GANC: variants seen among roughly 807,000 people sequenced by gnomAD.
The protein encoded by GANC is glucosidase alpha, neutral C.
GANC carries 117 observed loss-of-function variants against 124.2 expected under a neutral mutation model. The observed-to-expected ratio is 0.94, with a 90% confidence interval of 0.81 to 1.10. The LOEUF is 1.10. GANC is among the 50% of genes least tolerant of loss of function. The pLI, the probability that GANC is intolerant of heterozygous loss-of-function variation, is 0.00. For missense variants in GANC, 1,140 were observed against 1,095.0 expected (o/e 1.04, Z -0.58); for synonymous variants, 377 against 376.8 (o/e 1.00, Z -0.01).
chr15:42,347,185 AAAAAAAG>A (rs972150475), intron 20 of GANC, among the ~76,000 whole-genome samples: 4 of 124,256 alleles, frequency 3.2e-5, no homozygotes, highest in African/African-American at 1.3e-4. Context: ...AAAAAAAAAA[AAAAAAAG>A]AAGAGAGAGA....
chr15:42,285,945 T>C (rs55856839), intron 3 of GANC, among the ~76,000 whole-genome samples: 1,988 of 152,090 alleles, frequency 0.013, 56 homozygotes, highest in African/African-American at 0.046. Flanking sequence ...TGCTCTCTTT[T>C]CCCCCCTGGG....
At position 42,353,464 on chromosome 15, in the gene GANC, T is replaced by C. The variant is rs1325574043; in HGVS notation, c.*1325T>C. 13 of 927,966 alleles carry C rather than the reference T, an allele frequency of 1.4e-5. No individual in the cohort carries two copies. Among genetic ancestry groups the C allele is most frequent in the Non-Finnish European group, 1.7e-5 (13 of 777,800 alleles). The allele number at this position is 927,966 out of a possible 1,614,324, so 57.5% of individuals were successfully genotyped here. On this transcript the variant is annotated 3_prime_UTR_variant, in exon 24 of 24. Transcript: ENST00000318010. ...CCCGTAATGCTGTCCCACTTATAAC[T>C]GTGCTCTACTTAGCATTCTCAGGGA...
intron 10 of GANC, among the ~76,000 whole-genome samples, chr15:42,319,484 G>A (rs1350558748): frequency 6.6e-6 from 1 of 151,318 alleles, no homozygotes; most frequent in African/African-American, 2.4e-5. Context: ...AGCTGGGACT[G>A]TGGGCATGTG....
At position 42,306,561 on chromosome 15, in the gene GANC, C is replaced by A. The variant is rs2051997989; in HGVS notation, c.574C>A (p.Leu192Met). ...GTACCAACAGGAAAATCAAGAAGAT[C>A]TGGGCCTGTGGGAAGAGAAATTTGG... ...VDTSQENQED[L>M]GLWEEKFGKF... Residue 192 changes from leucine (L) to methionine (M), a missense_variant, in exon 7 of 24, where the codon CTG becomes ATG. Transcript: ENST00000318010. The A allele has an allele frequency of 6.2e-7, 1 of 1,612,798 alleles. No individual in the cohort carries two copies. The highest frequency in any genetic ancestry group is 8.5e-7 in the Non-Finnish European group (1 of 1,179,552).
At chr15:42,317,969 G>A (rs1013897380) in intron 10 of GANC, among the ~76,000 whole-genome samples, 3 of 152,144 alleles carry the variant, frequency 2.0e-5, no homozygotes, top group African/African-American at 4.8e-5. Flanking sequence ...ACCCTCCTCC[G>A]TCTCCCATCC....
At chr15:42,323,605 C>T (rs1414231386) in intron 11 of GANC, among the ~76,000 whole-genome samples, 1 of 152,080 alleles carries the variant, frequency 6.6e-6, no homozygotes, top group African/African-American at 2.4e-5. Flanking sequence ...TGGGTTCATG[C>T]AATTCTCCTG....
Position 42,341,191 on chromosome 15 carries a change from C to T in GANC, c.2152+437C>T, listed in dbSNP as rs554325717. ...ACAAAAAATAAAAATATAGGAAATT[C>T]CTTCACCAAGATTTCTAATGCATTA... On this transcript the variant is annotated intron_variant, in intron 18 of 23. Transcript: ENST00000318010. 8.6e-4 allele frequency among the ~76,000 whole-genome samples: 131 copies of T among 152,016 alleles called. 1 individual carries two copies. The highest frequency in any genetic ancestry group is 3.0e-3 in the African/African-American group (125 of 41,432).
Position 42,353,463 on chromosome 15 carries a change from C to T in GANC, c.*1324C>T. On this transcript the variant is annotated 3_prime_UTR_variant, in exon 24 of 24. Transcript: ENST00000318010. Reference sequence around the variant, plus strand: ...CCCCGTAATGCTGTCCCACTTATAACTGTGCTCTACTTAGCATTCTCAGGG... The same window carrying T: ...CCCCGTAATGCTGTCCCACTTATAATTGTGCTCTACTTAGCATTCTCAGGG... 1 of 924,778 alleles carries T rather than the reference C, an allele frequency of 1.1e-6. No homozygotes were observed. The highest frequency in any genetic ancestry group is 1.3e-6 in the Non-Finnish European group (1 of 774,888). The allele number at this position is 924,778 out of a possible 1,614,324, so 57.3% of individuals were successfully genotyped here.
intron 22 of GANC, among the ~76,000 whole-genome samples, chr15:42,349,856 C>G (rs1447894527): frequency 6.6e-6 from 1 of 151,828 alleles, no homozygotes; most frequent in Non-Finnish European, 1.5e-5. Context: ...ACCATGTTAG[C>G]TAGGCTGGTC....
chr15:42,321,893 A>T lies in GANC; in HGVS notation c.1166A>T (p.Asp389Val). Residue 389 changes from aspartate (D) to valine (V), a missense_variant, in exon 11 of 24, where the codon GAC (aspartate) becomes GTC (valine). Asp to Val is a radical substitution (Grantham distance 152, BLOSUM62 -3). Coordinates refer to ENST00000318010, the MANE Select transcript of GANC (RefSeq NM_198141.3). ...GTGGATGCAGGGTTTGATGAGCATG[A>T]CATTCCTTATGATGCCATGTGGCTG... Reference protein sequence around the residue: ...KAVDAGFDEHDIPYDAMWLDI... With the variant: ...KAVDAGFDEHVIPYDAMWLDI... 6.2e-7 allele frequency: 1 copy of T among 1,614,204 alleles called. No homozygotes were observed. Among genetic ancestry groups the T allele is most frequent in the Non-Finnish European group, 8.5e-7 (1 of 1,180,022 alleles).
intron 6 of GANC, among the ~76,000 whole-genome samples, chr15:42,301,291 C>T (rs1031719445): frequency 6.6e-6 from 1 of 152,112 alleles, no homozygotes; most frequent in African/African-American, 2.4e-5. Context: ...CAAAGGAAAC[C>T]ATGAGAGACT....
Position 42,351,452 on chromosome 15 carries a change from T to G in GANC, c.2635+20T>G, listed in dbSNP as rs1338965042. 2.6e-6 allele frequency: 4 copies of G among 1,519,666 alleles called. No individual in the cohort carries two copies. Among genetic ancestry groups the G allele is most frequent in the Non-Finnish European group, 3.7e-6 (4 of 1,094,590 alleles). 94.1% of individuals were successfully genotyped at this position (1,519,666 alleles called of 1,614,324 possible). ...CATCTGGTGAGAAAGCAGTCCATTC[T>G]TACCTCACCATTTGTTTTTATAAAC... On this transcript the variant is annotated intron_variant, in intron 23 of 23. Transcript: ENST00000318010.
rs753902602 is a variant in GANC, at chr15:42,348,138, A to G, written c.2340A>G (p.Pro780=). 2 of 1,613,130 alleles carry G rather than the reference A, an allele frequency of 1.2e-6. No homozygotes were observed. The highest frequency in any genetic ancestry group is 8.5e-7 in the Non-Finnish European group (1 of 1,179,630). ...TTCAGCGAGGTGGAAGTGTGATACC[A>G]ATAAAGACAACTGTAGGAAAATCCA... The part of the protein sequence containing the change: ...PVFQRGGSVI[P]IKTTVGKSTG... The change falls in exon 21 of 24, where the codon CCA becomes CCG. Residue 780 remains proline, a synonymous_variant. Transcript: ENST00000318010.
chr15:42,339,645 C>T lies in GANC; in HGVS notation c.1844-24C>T. 5 of 1,606,938 alleles carry T rather than the reference C, an allele frequency of 3.1e-6. No homozygotes were observed. The South Asian group carries it at 3.3e-5, about 11-fold the overall frequency. On this transcript the variant is annotated intron_variant, in intron 16 of 23. Coordinates refer to ENST00000318010, the MANE Select transcript of GANC (RefSeq NM_198141.3). ...TCATTTATCCAAAGCTTGGTTGCCT[C>T]ACTTGGCCTTCTTTTGCTTCCAGCT...
At chr15:42,274,612 C>A in intron 1 of GANC, 102 bp downstream of exon 1, 1 of 1,153,282 alleles carries the variant, frequency 8.7e-7, no homozygotes, top group Non-Finnish European at 1.2e-6. Flanking sequence ...TATTTGCTGA[C>A]CTTTATCTTT....
intron 12 of GANC, 119 bp downstream of exon 12, chr15:42,326,543 G>C: frequency 2.0e-6 from 3 of 1,490,402 alleles, no homozygotes; most frequent in Non-Finnish European, 2.7e-6. Context: ...TACATTTTAA[G>C]CATATAATTT....
Position 42,343,174 on chromosome 15 carries a change from C to A in GANC, c.2229+20C>A. The A allele has an allele frequency of 6.3e-7, 1 of 1,592,708 alleles. No individual in the cohort carries two copies. Among genetic ancestry groups the A allele is most frequent in the African/African-American group, 1.3e-5 (1 of 74,672 alleles). ...AATGAGGTAAGAGTAATAACAGCCA[C>A]ATATCTGATATGTCTCATATCTCTC... is the stretch of plus-strand genomic sequence containing the variant. On this transcript the variant is annotated intron_variant, in intron 19 of 23. Transcript: ENST00000318010.
intron 18 of GANC, among the ~76,000 whole-genome samples, chr15:42,342,598 A>T (rs1307082229): frequency 1.3e-5 from 2 of 151,878 alleles, no homozygotes; most frequent in Non-Finnish European, 2.9e-5. Context: ...CTAAGGAAAA[A>T]AAAAAAGAAA....
Position 42,352,534 on chromosome 15 carries a change from C to G in GANC, c.*395C>G, listed in dbSNP as rs2141091229. The G allele has an allele frequency of 9.7e-7, 1 of 1,033,390 alleles. No individual in the cohort carries two copies. Among genetic ancestry groups the G allele is most frequent in the Non-Finnish European group, 1.2e-6 (1 of 857,890 alleles). The allele number at this position is 1,033,390 out of a possible 1,614,324, so 64.0% of individuals were successfully genotyped here. On this transcript the variant is annotated 3_prime_UTR_variant, in exon 24 of 24. Coordinates refer to ENST00000318010, the MANE Select transcript of GANC (RefSeq NM_198141.3). ...TGCAGCATTGGCGCTCTGGCTGCAG[C>G]AGCTGAGTTGCTCAAGGCCAGTGTC...
Sources: gnomAD v4.1 joint callset for allele counts (sites outside exome capture counted in the v4.1 genomes callset) on GRCh38, gnomAD v4.1.1 for gene constraint, MANE v1.5 for transcripts, NCBI Gene and HGNC (gene_info 2026-07-23, HGNC 2026-07-21) for gene names.